Variants in POLR3H observed in about 807,000 individuals in gnomAD.
The protein encoded by POLR3H is RNA polymerase III subunit H, also known as DNA-directed RNA polymerase III subunit RPC8.
POLR3H carries 17 observed loss-of-function variants against 25.5 expected under a neutral mutation model. The observed-to-expected ratio is 0.67, with a 90% CI of 0.46 to 1.00. POLR3H has a LOEUF of 1.00. Ranked by LOEUF, POLR3H falls within the 50% of genes least tolerant of loss-of-function variation. POLR3H has a pLI of 0.00. For missense variants in POLR3H, 274 were observed against 265.0 expected (o/e 1.03, Z -0.24); for synonymous variants, 129 against 103.0 (o/e 1.25, Z -1.53).
intron 2 of POLR3H, among the ~76,000 whole-genome samples, chr22:41,536,493 T>C (rs1298701904): frequency 6.6e-6 from 1 of 151,504 alleles, no homozygotes; most frequent in Non-Finnish European, 1.5e-5. Flanking sequence ...ATGTTTAAAT[T>C]GGTAAATTTC....
intron 3 of POLR3H, 194 bp downstream of exon 3, chr22:41,532,465 C>T: frequency 1.0e-6 from 1 of 997,808 alleles, no homozygotes; most frequent in Non-Finnish European, 1.5e-6. Context: ...TGAGTGACGG[C>T]CTCACAGTGA....
In POLR3H at chr22:41,527,932, T is replaced by G; in HGVS notation, c.*1351A>C. ...ACCTGAAGAAACAGGGCCTGCTGCCTCTGACCTTCGCTGACCCGGCTGACT... is the reference window on the plus strand; with the variant it reads ...ACCTGAAGAAACAGGGCCTGCTGCCGCTGACCTTCGCTGACCCGGCTGACT... On this transcript the variant is annotated 3_prime_UTR_variant, in exon 6 of 6. Coordinates refer to ENST00000355209, the MANE Select transcript of POLR3H (RefSeq NM_001018050.4). 6.2e-7 allele frequency: 1 copy of G among 1,614,140 alleles called. No individual in the cohort carries two copies. The highest frequency in any genetic ancestry group is 1.1e-5 in the South Asian group (1 of 91,078).
In POLR3H at chr22:41,528,610, G is replaced by T; in HGVS notation, c.*673C>A. 1.2e-6 allele frequency: 2 copies of T among 1,600,210 alleles called. No homozygotes were observed. The highest frequency in any genetic ancestry group is 2.2e-5 in the East Asian group (1 of 44,712). On this transcript the variant is annotated 3_prime_UTR_variant, in exon 6 of 6. Coordinates refer to ENST00000355209, the MANE Select transcript of POLR3H (RefSeq NM_001018050.4). The stretch of plus-strand genomic sequence containing the variant: ...TCAACAGAATGAAGGAACTGCAACA[G>T]TGAGGGCAGTGCCTCCCCGCCCCGC...
chr22:41,536,631 C>T (rs1371214532), intron 2 of POLR3H, among the ~76,000 whole-genome samples: 1 of 151,046 alleles, frequency 6.6e-6, no homozygotes, highest in African/African-American at 2.4e-5. Flanking sequence ...TTTGGGAGGC[C>T]AAGGCGGGCG....
Position 41,528,812 on chromosome 22 carries a change from A to G in POLR3H, c.*471T>C, listed in dbSNP as rs1404277757. The stretch of plus-strand genomic sequence containing the variant: ...ATAACTTTTTAGCCCCCGTCTTCCT[A>G]TTTTGAGTTTGGTTCAGATCTTAAG... On this transcript the variant is annotated 3_prime_UTR_variant, in exon 6 of 6. Transcript: ENST00000355209. 5 of 701,464 alleles carry G rather than the reference A, an allele frequency of 7.1e-6. No homozygotes were observed. The highest frequency in any genetic ancestry group is 4.0e-5 in the South Asian group (2 of 50,034). The allele number at this position is 701,464 out of a possible 1,614,324, so 43.5% of individuals were successfully genotyped here. A position where few individuals can be genotyped will look rare whatever the true frequency, so the allele number is the denominator to read the frequency against.
chr22:41,527,569 C>A lies in POLR3H; in HGVS notation c.*1714G>T. 8.9e-7 allele frequency: 1 copy of A among 1,122,950 alleles called. No individual in the cohort carries two copies. The highest frequency in any genetic ancestry group is 1.2e-6 in the Non-Finnish European group (1 of 801,564). 69.6% of individuals were successfully genotyped at this position (1,122,950 alleles called of 1,614,324 possible). A position where few individuals can be genotyped will look rare whatever the true frequency, so the allele number is the denominator to read the frequency against. ...AGCCTCTTGCCCCTTCTTAGGCTCA[C>A]ACAGTGCACATCCGACGCTCAGCTT... On this transcript the variant is annotated 3_prime_UTR_variant, in exon 6 of 6. Coordinates refer to ENST00000355209, the MANE Select transcript of POLR3H (RefSeq NM_001018050.4).
Position 41,544,209 on chromosome 22 carries a change from C to G in POLR3H, c.-108G>C, listed in dbSNP as rs2066981275. 1.5e-6 allele frequency: 1 copy of G among 666,316 alleles called. No homozygotes were observed. 41.3% of individuals were successfully genotyped at this position (666,316 alleles called of 1,614,324 possible). ...GGTCCCGTCCCAGTCGCTGAGGCCC[C>G]CAGGCTGGCGGTGAGGTTGCACGGG... On this transcript the variant is annotated 5_prime_UTR_variant, in exon 1 of 6. Transcript: ENST00000355209.
chr22:41,535,602 G>C (rs2066828592), intron 2 of POLR3H, among the ~76,000 whole-genome samples: 1 of 151,294 alleles, frequency 6.6e-6, no homozygotes, highest in Admixed American at 6.6e-5. Context: ...CGAGGCGGGC[G>C]GATCACTTGA....
At position 41,527,018 on chromosome 22, in the gene POLR3H, C is replaced by T. The variant is rs897751797; in HGVS notation, c.*2265G>A. On this transcript the variant is annotated 3_prime_UTR_variant, in exon 6 of 6. Transcript: ENST00000355209. Reference sequence around the variant, plus strand: ...TCACCCAACCTCCCTCCACACACACCTGCCTCTGCCAAGCACCAATGGGTG... The same window carrying T: ...TCACCCAACCTCCCTCCACACACACTTGCCTCTGCCAAGCACCAATGGGTG... 1.8e-6 allele frequency: 1 copy of T among 545,800 alleles called. No individual in the cohort carries two copies. Among genetic ancestry groups the T allele is most frequent in the East Asian group, 3.2e-5 (1 of 31,208 alleles). 33.8% of individuals were successfully genotyped at this position (545,800 alleles called of 1,614,324 possible).
At position 41,530,834 on chromosome 22, in the gene POLR3H, G is replaced by A. The variant is rs143667570; in HGVS notation, c.414C>T (p.His138=). 15 of 1,613,926 alleles carry A rather than the reference G, an allele frequency of 9.3e-6. No individual in the cohort carries two copies. The highest frequency in any genetic ancestry group is 1.1e-5 in the Non-Finnish European group (13 of 1,180,012). Residue 138 remains histidine, a synonymous_variant, in exon 5 of 6, where the codon CAC becomes CAT. Coordinates refer to ENST00000355209, the MANE Select transcript of POLR3H (RefSeq NM_001018050.4). ...VWEYETEEGA[H]DLYMDTGEEI... ...CCTCGCCGGTGTCCATGTAGAGGTC[G>A]TGTGCTCCTTCCTCCGTCTCGTACT...
rs142829842 is a variant in POLR3H, at chr22:41,533,746, T to A, written c.209-1001A>T. 3.9e-3 allele frequency: 5,077 copies of A among 1,298,248 alleles called. 18 individuals carry two copies. Among genetic ancestry groups the A allele is most frequent in the Non-Finnish European group, 4.8e-3 (4,675 of 983,758 alleles). The allele number at this position is 1,298,248 out of a possible 1,614,324, so 80.4% of individuals were successfully genotyped here. ...CCATGAAGATGACTGGGCCTTGTGC[T>A]GACCTCCCAGAGAGCAGATGAGGGC... On this transcript the variant is annotated intron_variant, in intron 2 of 5. Coordinates refer to ENST00000355209, the MANE Select transcript of POLR3H (RefSeq NM_001018050.4).
intron 5 of POLR3H, 64 bp from the exon 6 acceptor site, chr22:41,529,400 G>A (rs954766659): frequency 2.0e-6 from 3 of 1,470,732 alleles, no homozygotes; most frequent in African/African-American, 2.8e-5. Flanking sequence ...CTGGACAGGA[G>A]GTGAAGGGAG....
Position 41,526,529 on chromosome 22 carries a change from T to C in POLR3H, c.*2754A>G, listed in dbSNP as rs569838197. On this transcript the variant is annotated 3_prime_UTR_variant, in exon 6 of 6. Coordinates refer to ENST00000355209, the MANE Select transcript of POLR3H (RefSeq NM_001018050.4). ...TGCAAGGCAGGTGCAGGGAGGACAT[T>C]AGGGGAGTGGAAACTGGGAAGGAGG... The C allele has an allele frequency of 1.2e-4, 186 of 1,495,798 alleles. No homozygotes were observed. Among genetic ancestry groups the C allele is most frequent in the Non-Finnish European group, 1.3e-4 (141 of 1,109,816 alleles). The allele number at this position is 1,495,798 out of a possible 1,614,324, so 92.7% of individuals were successfully genotyped here.
In POLR3H at chr22:41,526,701, G is replaced by A; in HGVS notation, c.*2582C>T. 2 of 455,738 alleles carry A rather than the reference G, an allele frequency of 4.4e-6. No individual in the cohort carries two copies. Among genetic ancestry groups the A allele is most frequent in the Non-Finnish European group, 7.8e-6 (2 of 255,688 alleles). 28.2% of individuals were successfully genotyped at this position (455,738 alleles called of 1,614,324 possible). On this transcript the variant is annotated 3_prime_UTR_variant, in exon 6 of 6. Coordinates refer to ENST00000355209, the MANE Select transcript of POLR3H (RefSeq NM_001018050.4). ...TAGTGAGAGATATCTTAGGATATCT[G>A]GCCCTAGACAAAGACAAGGAAGGGG...
intron 2 of POLR3H, 127 bp from the exon 3 acceptor site, chr22:41,532,872 G>GGTCT: frequency 9.9e-7 from 1 of 1,006,532 alleles, no homozygotes; most frequent in East Asian, 2.7e-5. Flanking sequence ...TGCAAGCCTA[G>GGTCT]ACCCTCCCTT....
Position 41,528,207 on chromosome 22 carries a change from C to T in POLR3H, c.*1076G>A, listed in dbSNP as rs927160011. The T allele has an allele frequency of 4.9e-5, 48 of 973,614 alleles. No individual in the cohort carries two copies. The highest frequency in any genetic ancestry group is 3.3e-4 in the Middle Eastern group (1 of 3,004). 60.3% of individuals were successfully genotyped at this position (973,614 alleles called of 1,614,324 possible). ...TCAGAGTTGGGGGTTGGAGTCAACC[C>T]GGGGCCCTCACACCTCCCCAACCTC... On this transcript the variant is annotated 3_prime_UTR_variant, in exon 6 of 6. Transcript: ENST00000355209.
In POLR3H at chr22:41,544,362, GCCACT is replaced by G. The variant is rs756028514; in HGVS notation, c.-266_-262del. The G allele has an allele frequency of 2.9e-4, 101 of 349,002 alleles. 1 individual carries two copies. Among genetic ancestry groups the G allele is most frequent in the Middle Eastern group, 7.8e-4 (1 of 1,290 alleles). 21.6% of individuals were successfully genotyped at this position (349,002 alleles called of 1,614,324 possible). On this transcript the variant is annotated 5_prime_UTR_variant, in exon 1 of 6. Coordinates refer to ENST00000355209, the MANE Select transcript of POLR3H (RefSeq NM_001018050.4). The stretch of plus-strand genomic sequence containing the variant: ...GCGCCGCGAGACCCCGCCACGCCAC[GCCACT>G]CCACGCCACGCCACTCCACGCCCCG...
At position 41,527,863 on chromosome 22, in the gene POLR3H, G is replaced by A; in HGVS notation, c.*1420C>T. ...TCAGAAAATGAAGCTCTCCAGGCTA[G>A]TCAGGCCCCCGATGACCGAATGCCG... On this transcript the variant is annotated 3_prime_UTR_variant, in exon 6 of 6. Coordinates refer to ENST00000355209, the MANE Select transcript of POLR3H (RefSeq NM_001018050.4). The A allele has an allele frequency of 6.2e-7, 1 of 1,614,020 alleles. No individual in the cohort carries two copies. Among genetic ancestry groups the A allele is most frequent in the East Asian group, 2.2e-5 (1 of 44,876 alleles).
intron 2 of POLR3H, among the ~76,000 whole-genome samples, chr22:41,536,869 A>G (rs1365294543): frequency 1.3e-5 from 2 of 150,948 alleles, no homozygotes; most frequent in African/African-American, 2.4e-5. Flanking sequence ...TCTGTCTCAA[A>G]AAAAAAAAAA....
Sources: gnomAD v4.1 joint callset for allele counts (sites outside exome capture counted in the v4.1 genomes callset) on GRCh38, gnomAD v4.1.1 for gene constraint, MANE v1.5 for transcripts, NCBI Gene and HGNC (gene_info 2026-07-23, HGNC 2026-07-21) for gene names.